LAMB3: variants seen among roughly 807,000 people sequenced by gnomAD.
LAMB3 encodes laminin subunit beta 3.
LAMB3 carries 104 observed loss-of-function variants against 140.3 expected under a neutral mutation model. That is an observed-to-expected ratio of 0.74 (90% CI 0.63 to 0.87). The LOEUF (loss-of-function observed/expected upper bound fraction) is 0.87. Ranked by LOEUF, LAMB3 falls within the 40% of genes least tolerant of loss-of-function variation. LAMB3 has a pLI of 0.00. For synonymous variants in LAMB3, 592 were observed against 602.9 expected, an observed-to-expected ratio of 0.98 and a Z score of 0.26; for missense variants, 1,531 against 1,575.2, an observed-to-expected ratio of 0.97 and a Z score of 0.47.
intron 18 of LAMB3, among the ~76,000 whole-genome samples, chr1:209,621,470 A>G (rs1295446138): frequency 6.6e-6 from 1 of 152,244 alleles, no homozygotes. Flanking sequence ...CTGTAATAGT[A>G]GCAAGAGGAG....
intron 4 of LAMB3, 84 bp from the exon 5 acceptor site, chr1:209,638,065 T>G: frequency 3.3e-4 from 370 of 1,114,210 alleles, no homozygotes; most frequent in Non-Finnish European, 4.3e-4. Context: ...AGACTAGCTC[T>G]AGGAACTCAG....
intron 6 of LAMB3, 126 bp downstream of exon 6, chr1:209,634,321 G>A: frequency 1.0e-6 from 1 of 962,490 alleles, no homozygotes; most frequent in Non-Finnish European, 1.7e-6. Context: ...TGGGAATTCA[G>A]GAAAGTCAGC....
intron 1 of LAMB3, among the ~76,000 whole-genome samples, chr1:209,651,870 G>A (rs1571844249): frequency 1.3e-5 from 2 of 151,012 alleles, no homozygotes; most frequent in Admixed American, 1.3e-4. Context: ...GGCTTGGCAA[G>A]GCAGGGGCGG....
At chr1:209,642,810 T>C (rs1349452156) in intron 3 of LAMB3, among the ~76,000 whole-genome samples, 1 of 152,164 alleles carries the variant, frequency 6.6e-6, no homozygotes, top group Non-Finnish European at 1.5e-5. Flanking sequence ...GGATACATAT[T>C]AACTTTTATA....
At chr1:209,634,861 G>C (rs1051726482) in intron 5 of LAMB3, among the ~76,000 whole-genome samples, 1 of 151,654 alleles carries the variant, frequency 6.6e-6, no homozygotes, top group African/African-American at 2.4e-5. Context: ...AGCTCACCAG[G>C]CTTCCAGGAT....
Position 209,623,365 on chromosome 1 carries a change from C to T in LAMB3, c.2358+140G>A. 1 of 1,019,520 alleles carries T rather than the reference C, an allele frequency of 9.8e-7. No individual in the cohort carries two copies. Among genetic ancestry groups the T allele is most frequent in the South Asian group, 1.3e-5 (1 of 74,772 alleles). The allele number at this position is 1,019,520 out of a possible 1,614,324, so 63.2% of individuals were successfully genotyped here. ...TGGCAACCACTGAGCTCACAGTGAG[C>T]AGTACAAGGGTCGGGATGGCTGGGG... On this transcript the variant is annotated intron_variant, in intron 16 of 22. Coordinates refer to ENST00000356082, the MANE Select transcript of LAMB3 (RefSeq NM_000228.3). This position sits in a 1 kb window ranked among gnomAD's most constrained non-coding sequence, Gnocchi z 4.2.
intron 3 of LAMB3, among the ~76,000 whole-genome samples, chr1:209,641,689 C>T (rs2076470433): frequency 6.6e-6 from 1 of 152,200 alleles, no homozygotes; most frequent in Admixed American, 6.5e-5. Flanking sequence ...AGAAACGGGG[C>T]TTCTCCAGCT....
At chr1:209,625,384 T>C (rs1469043239) in intron 14 of LAMB3, among the ~76,000 whole-genome samples, 1 of 152,148 alleles carries the variant, frequency 6.6e-6, no homozygotes, top group Non-Finnish European at 1.5e-5. Flanking sequence ...AACGCTGGGC[T>C]TGGGCTCCTG....
At chr1:209,635,043 T>C (rs1361380365) in intron 5 of LAMB3, among the ~76,000 whole-genome samples, 2 of 151,970 alleles carry the variant, frequency 1.3e-5, no homozygotes, top group South Asian at 4.2e-4. Flanking sequence ...CAGAGAGCTC[T>C]TCCTGGGTGA....
chr1:209,618,096 G>A, intron 19 of LAMB3, 48 bp from the exon 20 acceptor site: 3 of 1,609,856 alleles, frequency 1.9e-6, no homozygotes, highest in Non-Finnish European at 2.5e-6. Flanking sequence ...TGAGTGAACA[G>A]TGAATCAATG....
In LAMB3 at chr1:209,627,533, G is replaced by A. The variant is rs374430633; in HGVS notation, c.1335C>T (p.Asp445=). 47 of 1,614,048 alleles carry A rather than the reference G, an allele frequency of 2.9e-5. No individual in the cohort carries two copies. Among genetic ancestry groups the A allele is most frequent in the Middle Eastern group, 1.6e-4 (1 of 6,062 alleles). ...GACAAAGGCAGCGCCCACTCTCCTC[G>A]TCACACGGCATGTCCCTCCGGGACC... ...ILGSRRDMPC[D]EESGRCLCLP... Residue 445 remains aspartate, a synonymous_variant, in exon 12 of 23, where the codon GAC becomes GAT. Coordinates refer to ENST00000356082, the MANE Select transcript of LAMB3 (RefSeq NM_000228.3).
chr1:209,616,831 C>CT (rs1665985943), intron 21 of LAMB3, among the ~76,000 whole-genome samples: 1 of 152,178 alleles, frequency 6.6e-6, no homozygotes, highest in Non-Finnish European at 1.5e-5. Context: ...ATCTCCAGCT[C>CT]TTGACATGAC....
At chr1:209,643,353 C>T (rs1351050594) in intron 3 of LAMB3, among the ~76,000 whole-genome samples, 1 of 152,232 alleles carries the variant, frequency 6.6e-6, no homozygotes. Context: ...GCAGCTGCCT[C>T]CCTCTCTGGG....
intron 3 of LAMB3, among the ~76,000 whole-genome samples, chr1:209,645,521 GC>G (rs1401413674): frequency 5.9e-5 from 9 of 152,198 alleles, no homozygotes; most frequent in Non-Finnish European, 8.8e-5. Flanking sequence ...TTCGAGACCA[GC>G]CTGGCCAACA....
chr1:209,620,911 G>A (rs1266974372), intron 18 of LAMB3, among the ~76,000 whole-genome samples: 1 of 152,174 alleles, frequency 6.6e-6, no homozygotes, highest in East Asian at 1.9e-4. Flanking sequence ...ACAGCAGCCA[G>A]CGCTCAGTGG....
Position 209,627,508 on chromosome 1 carries a change from G to T in LAMB3, c.1360C>A (p.Leu454Met), listed in dbSNP as rs1281206217. 1.2e-6 allele frequency: 2 copies of T among 1,614,062 alleles called. No individual in the cohort carries two copies. The highest frequency in any genetic ancestry group is 2.2e-5 in the South Asian group (2 of 91,088). The change falls in exon 12 of 23, where the codon CTG becomes ATG. Residue 454 changes from leucine (L) to methionine (M), a missense_variant. Coordinates refer to ENST00000356082, the MANE Select transcript of LAMB3 (RefSeq NM_000228.3). ...CDEESGRCLC[L>M]PNVVGPKCDQ... ...CATTTGGGACCCACCACGTTGGGCA[G>T]ACAAAGGCAGCGCCCACTCTCCTCG...
chr1:209,619,829 C>A (rs1460161860), intron 18 of LAMB3, among the ~76,000 whole-genome samples: 6 of 152,202 alleles, frequency 3.9e-5, no homozygotes, highest in African/African-American at 1.4e-4. Context: ...CCATCCCATG[C>A]CAGGTGGAAG....
intron 20 of LAMB3, 91 bp downstream of exon 20, chr1:209,617,816 T>C: frequency 6.5e-7 from 1 of 1,532,100 alleles, no homozygotes; most frequent in Non-Finnish European, 9.0e-7. Flanking sequence ...CCTCAGGTTT[T>C]ATCTAGTCAC....
chr1:209,629,283 G>A (rs1272224329), intron 10 of LAMB3, among the ~76,000 whole-genome samples: 1 of 152,188 alleles, frequency 6.6e-6, no homozygotes, highest in Admixed American at 6.5e-5. Context: ...AGGGCTAGAG[G>A]ATGTGAGAAA....
Sources: allele counts gnomAD v4.1 joint callset (sites outside exome capture counted in the v4.1 genomes callset), GRCh38; gene constraint gnomAD v4.1.1; non-coding constraint Gnocchi (gnomAD v3.1); transcripts MANE v1.5; gene names NCBI Gene and HGNC (gene_info 2026-07-23, HGNC 2026-07-21).